The following ZNF316 variants were observed in gnomAD, a reference collection of about 807,000 sequenced individuals.
The protein encoded by ZNF316 is zinc finger protein 316.
A neutral mutation model predicts 75.6 loss-of-function variants in ZNF316; 23 were observed. That is an observed-to-expected ratio of 0.30 (90% CI 0.22 to 0.43). ZNF316 has a LOEUF of 0.43. ZNF316 is among the 20% of genes least tolerant of loss of function. The pLI is 1.00. For missense variants in ZNF316, 1,266 were observed against 1,409.4 expected, an observed-to-expected ratio of 0.90 and a Z score of 1.63; for synonymous variants, 827 against 666.2, an observed-to-expected ratio of 1.24 and a Z score of -3.72.
rs1342632834 is a variant in ZNF316, at chr7:6,653,393, C to T, written c.1797C>T (p.His599=). 4.9e-6 allele frequency: 6 copies of T among 1,227,062 alleles called. No homozygotes were observed. The highest frequency in any genetic ancestry group is 6.1e-6 in the Non-Finnish European group (6 of 985,464). 76.0% of individuals were successfully genotyped at this position (1,227,062 alleles called of 1,614,324 possible). ...EGPSSHPLGF[H]FPVHPKSWLH... ...CCTCCTCCCACCCGCTGGGCTTCCA[C>T]TTCCCCGTGCACCCCAAGTCCTGGC... Residue 599 remains histidine, a synonymous_variant, in exon 9 of 9, where the codon CAC becomes CAT. Transcript: ENST00000382252.
chr7:6,652,876 G>T lies in ZNF316; in HGVS notation c.1280G>T (p.Arg427Leu). Reference protein sequence around the residue: ...VTHRRIHTGERPYRCAFCGAG... With the variant: ...VTHRRIHTGELPYRCAFCGAG... ...CACCGACGCATCCATACTGGCGAGC[G>T]GCCCTACCGCTGCGCCTTCTGCGGC... Residue 427 changes from arginine to leucine, a missense_variant, in exon 9 of 9, where the codon CGG becomes CTG. Transcript: ENST00000382252. 8.1e-7 allele frequency: 1 copy of T among 1,242,202 alleles called. No individual in the cohort carries two copies. Among genetic ancestry groups the T allele is most frequent in the Non-Finnish European group, 1.0e-6 (1 of 992,582 alleles). 76.9% of individuals were successfully genotyped at this position (1,242,202 alleles called of 1,614,324 possible). A position where few individuals can be genotyped will look rare whatever the true frequency, so the allele number is the denominator to read the frequency against.
chr7:6,654,664 G>T lies in ZNF316; in HGVS notation c.*53G>T. 1.7e-6 allele frequency: 2 copies of T among 1,155,092 alleles called. No individual in the cohort carries two copies. Among genetic ancestry groups the T allele is most frequent in the Non-Finnish European group, 2.1e-6 (2 of 937,592 alleles). The allele number at this position is 1,155,092 out of a possible 1,614,324, so 71.6% of individuals were successfully genotyped here. ...CTGCAGGGCCACCGGCCCCTCCCTT[G>T]GACGGCCGGCCCCCCGCTCCTCGGG... On this transcript the variant is annotated 3_prime_UTR_variant, in exon 9 of 9. Coordinates refer to ENST00000382252, the MANE Select transcript of ZNF316 (RefSeq NM_001278559.2).
intron 7 of ZNF316, 124 bp downstream of exon 7, chr7:6,644,072 C>G (rs1430597152): frequency 1.8e-6 from 2 of 1,081,972 alleles, no homozygotes; most frequent in Non-Finnish European, 2.3e-6. Flanking sequence ...GGGCCCAGCC[C>G]ACCTCCCAGG....
chr7:6,651,147 T>G (rs754204990), intron 8 of ZNF316, among the ~76,000 whole-genome samples: 2 of 146,152 alleles, frequency 1.4e-5, no homozygotes, highest in Non-Finnish European at 3.0e-5. Flanking sequence ...GTCAGGAGTT[T>G]GAGACTAGCC....
In ZNF316 at chr7:6,655,954, A is replaced by T. The variant is rs1027279774; in HGVS notation, c.*1343A>T. ...CCATTCCCCTCACGCTTTTGGGGCCACTGTGAATGGGGCCAGGAAACGGAT... is the reference window on the plus strand; with the variant it reads ...CCATTCCCCTCACGCTTTTGGGGCCTCTGTGAATGGGGCCAGGAAACGGAT... On this transcript the variant is annotated 3_prime_UTR_variant, in exon 9 of 9. Transcript: ENST00000382252. 1 of 152,350 alleles carries T rather than the reference A, an allele frequency of 6.6e-6. No individual in the cohort carries two copies. Among genetic ancestry groups the T allele is most frequent in the Non-Finnish European group, 1.5e-5 (1 of 68,142 alleles). The allele number at this position is 152,350 out of a possible 1,614,324, so 9.4% of individuals were successfully genotyped here.
Position 6,651,504 on chromosome 7 carries a change from A to C in ZNF316, c.707-799A>C, listed in dbSNP as rs1039888450. 3.3e-5 allele frequency among the ~76,000 whole-genome samples: 5 copies of C among 152,056 alleles called. No homozygotes were observed. The East Asian group carries it at 5.8e-4, about 18-fold the overall frequency. On this transcript the variant is annotated intron_variant, in intron 8 of 8. Transcript: ENST00000382252. ...ACTCCATCTCTACTAAAAATACAAA[A>C]ATTAGCCAGCTGCGGTGCTGTGCGC...
In ZNF316 at chr7:6,654,722, C is replaced by T. The variant is rs1779587353; in HGVS notation, c.*111C>T. The T allele has an allele frequency of 2.0e-5, 19 of 956,576 alleles. No individual in the cohort carries two copies. The highest frequency in any genetic ancestry group is 1.3e-5 in the Non-Finnish European group (10 of 766,084). The allele number at this position is 956,576 out of a possible 1,614,324, so 59.3% of individuals were successfully genotyped here. On this transcript the variant is annotated 3_prime_UTR_variant, in exon 9 of 9. Coordinates refer to ENST00000382252, the MANE Select transcript of ZNF316 (RefSeq NM_001278559.2). ...AGGCTGAGGGTCCCAGTCCTGGGTG[C>T]GGTGCCTTCCCTCAGCCCTCGCCCT...
chr7:6,652,461 G>A lies in ZNF316; in HGVS notation c.865G>A (p.Asp289Asn). The change falls in exon 9 of 9, where the codon GAT (aspartate) becomes AAT (asparagine). Residue 289 changes from aspartate (D) to asparagine (N), a missense_variant. This residue lies in a region of ZNF316 where 961 missense variants were observed against 990.9 expected (regional missense o/e 0.97). Transcript: ENST00000382252. The stretch of plus-strand genomic sequence containing the variant: ...TGGGACGTGGGGGCCCGACGACTCG[G>A]ATTCGGCGCAGACTCCAGAGGGGTG... The part of the protein sequence containing the change: ...VPGTWGPDDS[D>N]SAQTPEGWGP... 1.6e-6 allele frequency: 2 copies of A among 1,231,860 alleles called. No individual in the cohort carries two copies. Among genetic ancestry groups the A allele is most frequent in the Non-Finnish European group, 2.0e-6 (2 of 987,814 alleles). 76.3% of individuals were successfully genotyped at this position (1,231,860 alleles called of 1,614,324 possible). A position where few individuals can be genotyped will look rare whatever the true frequency, so the allele number is the denominator to read the frequency against.
In ZNF316 at chr7:6,643,022, AGAGGAGGAGGAG is replaced by A; in HGVS notation, c.417_428del (p.Glu139_Glu142del). ...GGGATGAGGACCTGGAGGAGGAGGA[AGAGGAGGAGGAG>A]GATGAGGACGAGGATGATTTGCTGA... On this transcript the variant is annotated inframe_deletion, in exon 6 of 9. Transcript: ENST00000382252. 3.2e-6 allele frequency: 4 copies of A among 1,239,190 alleles called. No individual in the cohort carries two copies. The highest frequency in any genetic ancestry group is 4.0e-6 in the Non-Finnish European group (4 of 992,558). The allele number at this position is 1,239,190 out of a possible 1,614,324, so 76.8% of individuals were successfully genotyped here.
In ZNF316 at chr7:6,657,651, G is replaced by T. The variant is rs369881746; in HGVS notation, c.*3040G>T. ...CCTTGAGCTCAGGAGTTCGAGGCCA[G>T]CTGGGACAACACGGCAAAACTCTTG... On this transcript the variant is annotated 3_prime_UTR_variant, in exon 9 of 9. Transcript: ENST00000382252. Among the ~76,000 whole-genome samples, 188 of 152,066 alleles carry T rather than the reference G, an allele frequency of 1.2e-3. No homozygotes were observed. Among genetic ancestry groups the T allele is most frequent in the African/African-American group, 4.3e-3 (179 of 41,466 alleles).
chr7:6,642,364 C>T lies in ZNF316; in HGVS notation c.-28-18C>T, dbSNP rs571379366. On this transcript the variant is annotated intron_variant, in intron 4 of 8. Coordinates refer to ENST00000382252, the MANE Select transcript of ZNF316 (RefSeq NM_001278559.2). This position sits in a 1 kb window ranked among gnomAD's most constrained non-coding sequence, Gnocchi z 8.1. The stretch of plus-strand genomic sequence containing the variant: ...TGTGCTGAGAGCAGCCCGTCACTGG[C>T]GTCCATCTGCATTTCAGGCCACGTG... 30 of 1,175,132 alleles carry T rather than the reference C, an allele frequency of 2.6e-5. No homozygotes were observed. In the East Asian group the frequency reaches 4.1e-4, roughly 16 times the overall value. 72.8% of individuals were successfully genotyped at this position (1,175,132 alleles called of 1,614,324 possible).
At chr7:6,650,064 G>C (rs1174543632) in intron 8 of ZNF316, among the ~76,000 whole-genome samples, 1 of 152,220 alleles carries the variant, frequency 6.6e-6, no homozygotes, top group Non-Finnish European at 1.5e-5. Context: ...GATGCACCCC[G>C]CTACAAAATC....
rs994485996 is a variant in ZNF316, at chr7:6,654,753, C to T, written c.*142C>T. The T allele has an allele frequency of 1.4e-6, 1 of 733,818 alleles. No individual in the cohort carries two copies. Among genetic ancestry groups the T allele is most frequent in the Non-Finnish European group, 1.8e-6 (1 of 561,404 alleles). 45.5% of individuals were successfully genotyped at this position (733,818 alleles called of 1,614,324 possible). A position where few individuals can be genotyped will look rare whatever the true frequency, so the allele number is the denominator to read the frequency against. ...CTTCCCTCAGCCCTCGCCCTGCGGC[C>T]CCGGGTCTCATGCCCGCCGGGTCCG... On this transcript the variant is annotated 3_prime_UTR_variant, in exon 9 of 9. Transcript: ENST00000382252.
At position 6,653,035 on chromosome 7, in the gene ZNF316, C is replaced by T; in HGVS notation, c.1439C>T (p.Thr480Met). The T allele has an allele frequency of 8.2e-7, 1 of 1,220,870 alleles. No homozygotes were observed. Among genetic ancestry groups the T allele is most frequent in the East Asian group, 3.3e-5 (1 of 30,304 alleles). 75.6% of individuals were successfully genotyped at this position (1,220,870 alleles called of 1,614,324 possible). The change falls in exon 9 of 9, where the codon ACG (threonine) becomes ATG (methionine). Residue 480 changes from threonine to methionine, a missense_variant. Transcript: ENST00000382252. ...CTGGCACGGCACCAGGCGGTGCACA[C>T]GGCCGACCGCCCGCACTGCTGTCCC... ...SALARHQAVH[T>M]ADRPHCCPDC...
rs117754352 is a variant in ZNF316, at chr7:6,656,892, A to G, written c.*2281A>G. ...TGCCTCCCTTAAAGCTGATTGGTTG[A>G]TTTCTTTATTCTTATCACATGGTAG... On this transcript the variant is annotated 3_prime_UTR_variant, in exon 9 of 9. Coordinates refer to ENST00000382252, the MANE Select transcript of ZNF316 (RefSeq NM_001278559.2). 0.023 allele frequency among the ~76,000 whole-genome samples: 3,438 copies of G among 152,244 alleles called. 63 individuals carry two copies. The highest frequency in any genetic ancestry group is 0.051 in the Middle Eastern group (15 of 294).
rs998670200 is a variant in ZNF316 at position 6,653,735 on chromosome 7, C to T, written c.2139C>T (p.His713=). Residue 713 remains histidine, a synonymous_variant, in exon 9 of 9, where the codon CAC becomes CAT. Coordinates refer to ENST00000382252, the MANE Select transcript of ZNF316 (RefSeq NM_001278559.2). ...RAALAKHQRY[H]AGERPHRCAD... ...CGCTGGCCAAGCACCAGCGCTACCA[C>T]GCGGGCGAGCGGCCGCATCGCTGCG... is the stretch of plus-strand genomic sequence containing the variant. 1 of 1,098,864 alleles carries T rather than the reference C, an allele frequency of 9.1e-7. No individual in the cohort carries two copies. Among genetic ancestry groups the T allele is most frequent in the Non-Finnish European group, 1.1e-6 (1 of 901,272 alleles). The allele number at this position is 1,098,864 out of a possible 1,614,324, so 68.1% of individuals were successfully genotyped here.
intron 8 of ZNF316, among the ~76,000 whole-genome samples, chr7:6,647,324 C>T (rs756381600): frequency 6.6e-6 from 1 of 152,076 alleles, no homozygotes. Flanking sequence ...AAGCTGCGCC[C>T]GAGAGCCCCG....
chr7:6,645,103 C>T (rs565879628), intron 8 of ZNF316, among the ~76,000 whole-genome samples: 17 of 152,224 alleles, frequency 1.1e-4, no homozygotes, highest in Non-Finnish European at 2.2e-4. Context: ...GTGCAGAAGG[C>T]GTTCAGGGTG....
In ZNF316 at chr7:6,653,326, G is replaced by T; in HGVS notation, c.1730G>T (p.Arg577Leu). 2 of 1,226,310 alleles carry T rather than the reference G, an allele frequency of 1.6e-6. No individual in the cohort carries two copies. Among genetic ancestry groups the T allele is most frequent in the South Asian group, 4.1e-5 (1 of 24,304 alleles). 76.0% of individuals were successfully genotyped at this position (1,226,310 alleles called of 1,614,324 possible). The change falls in exon 9 of 9, where the codon CGC becomes CTC. Residue 577 changes from arginine to leucine, a missense_variant. Arg to Leu is a moderately radical substitution (Grantham distance 102). This residue lies in a region of ZNF316 where 961 missense variants were observed against 990.9 expected (regional missense o/e 0.97). Coordinates refer to ENST00000382252, the MANE Select transcript of ZNF316 (RefSeq NM_001278559.2). ...SGKVDPAPER[R>L]FLELGNGLGE... is the part of the protein sequence containing the mutation. ...AAGGTGGACCCCGCGCCGGAACGGCGCTTCCTGGAGCTGGGCAACGGCCTG... is the reference window on the plus strand; with the variant it reads ...AAGGTGGACCCCGCGCCGGAACGGCTCTTCCTGGAGCTGGGCAACGGCCTG...
Sources: gnomAD v4.1 joint callset for allele counts (sites outside exome capture counted in the v4.1 genomes callset) on GRCh38, gnomAD v4.1.1 for gene constraint, gnomAD v4.1.1 regional missense constraint, Gnocchi (gnomAD v3.1) non-coding constraint, MANE v1.5 for transcripts, NCBI Gene and HGNC (gene_info 2026-07-23, HGNC 2026-07-21) for gene names.